POU2AF1: variants seen among roughly 807,000 people sequenced by gnomAD.
POU2AF1 encodes POU class 2 homeobox associating factor 1.
A neutral mutation model predicts 26.3 loss-of-function variants in POU2AF1; 12 were observed. The observed-to-expected ratio is 0.46, with a 90% CI of 0.29 to 0.74. The LOEUF is 0.74. POU2AF1 is among the 30% of genes least tolerant of loss of function. POU2AF1 has a pLI of 0.09. For synonymous variants in POU2AF1, 175 were observed against 148.0 expected (o/e 1.18, Z -1.32); for missense variants, 297 against 334.5 (o/e 0.89, Z 0.87).
At position 111,354,255 on chromosome 11, in the gene POU2AF1, C is replaced by A. The variant is rs764646023; in HGVS notation, c.*6G>T. The A allele has an allele frequency of 1.9e-6, 3 of 1,613,608 alleles. No homozygotes were observed. The highest frequency in any genetic ancestry group is 2.5e-6 in the Non-Finnish European group (3 of 1,179,882). ...TCAGGGAACAGGACTCAGGTGGGAG[C>A]CACGCCTAAAAGCCTTCCACAGAGA... On this transcript the variant is annotated 3_prime_UTR_variant, in exon 5 of 5. Transcript: ENST00000393067.
chr11:111,368,582 G>A (rs1861148958), intron 1 of POU2AF1, among the ~76,000 whole-genome samples: 1 of 152,226 alleles, frequency 6.6e-6, no homozygotes, highest in South Asian at 2.1e-4. Context: ...TACCCTTGAT[G>A]AAGTCATAAC....
At position 111,353,149 on chromosome 11, in the gene POU2AF1, G is replaced by A. The variant is rs1280000740; in HGVS notation, c.*1112C>T. 8.6e-6 allele frequency: 2 copies of A among 232,654 alleles called. No individual in the cohort carries two copies. Among genetic ancestry groups the A allele is most frequent in the Non-Finnish European group, 1.7e-5 (2 of 117,722 alleles). 14.4% of individuals were successfully genotyped at this position (232,654 alleles called of 1,614,324 possible). A position where few individuals can be genotyped will look rare whatever the true frequency, so the allele number is the denominator to read the frequency against. On this transcript the variant is annotated 3_prime_UTR_variant, in exon 5 of 5. Transcript: ENST00000393067. ...CTTGGCCTCCACAGCACCAGCAGAG[G>A]GCCTAGAGGTGAGACAGAAATGGCC...
chr11:111,358,141 G>A (rs952673186), intron 2 of POU2AF1, among the ~76,000 whole-genome samples: 4 of 152,008 alleles, frequency 2.6e-5, no homozygotes, highest in African/African-American at 9.7e-5. Context: ...AGCTGTGTTC[G>A]GTGGGCCAGC....
intron 1 of POU2AF1, among the ~76,000 whole-genome samples, chr11:111,371,250 T>C (rs916472224): frequency 6.6e-6 from 1 of 152,234 alleles, no homozygotes; most frequent in Admixed American, 6.5e-5. Flanking sequence ...AGAATGATTC[T>C]GGTTTATAAT....
In POU2AF1 at chr11:111,357,811, C is replaced by G. The variant is rs778493728; in HGVS notation, c.174G>C (p.Ala58=). Residue 58 remains alanine, a synonymous_variant, in exon 3 of 5, where the codon GCG becomes GCC. Coordinates refer to ENST00000393067, the MANE Select transcript of POU2AF1 (RefSeq NM_006235.3). ...TAVVLPHQPL[A]TYTTVGPSCL... The stretch of plus-strand genomic sequence containing the variant: ...CACTCTTACCCACTGTGGTGTAGGT[C>G]GCCAGGGGCTGATGGGGCAGCACCA... 1.2e-6 allele frequency: 2 copies of G among 1,612,792 alleles called. No homozygotes were observed. The highest frequency in any genetic ancestry group is 1.7e-6 in the Non-Finnish European group (2 of 1,179,532).
intron 1 of POU2AF1, among the ~76,000 whole-genome samples, chr11:111,362,019 C>A (rs1383244970): frequency 2.6e-5 from 4 of 152,184 alleles, no homozygotes; most frequent in Non-Finnish European, 5.9e-5. Context: ...GCACAAGTTC[C>A]ATTTGCCACT....
At chr11:111,371,584 A>G (rs1456292435) in intron 1 of POU2AF1, among the ~76,000 whole-genome samples, 3 of 152,224 alleles carry the variant, frequency 2.0e-5, no homozygotes, top group African/African-American at 4.8e-5. Flanking sequence ...ACAAGTTACA[A>G]GACTGGAGAT....
chr11:111,353,388 T>A lies in POU2AF1; in HGVS notation c.*873A>T, dbSNP rs1049437962. ...CCCACACCCCTCTCTCCAACTAAGA[T>A]GCACAGCCTGTTCCCATCCCTCCTC... On this transcript the variant is annotated 3_prime_UTR_variant, in exon 5 of 5. Coordinates refer to ENST00000393067, the MANE Select transcript of POU2AF1 (RefSeq NM_006235.3). 8.6e-6 allele frequency: 2 copies of A among 233,812 alleles called. No individual in the cohort carries two copies. Among genetic ancestry groups the A allele is most frequent in the African/African-American group, 2.2e-5 (1 of 45,348 alleles). The allele number at this position is 233,812 out of a possible 1,614,324, so 14.5% of individuals were successfully genotyped here. A position where few individuals can be genotyped will look rare whatever the true frequency, so the allele number is the denominator to read the frequency against.
At chr11:111,363,422 C>A in intron 1 of POU2AF1, 1 of 1,014,902 alleles carries the variant, frequency 9.9e-7, no homozygotes, top group Non-Finnish European at 1.2e-6. Context: ...CAGTTGGTAC[C>A]TTTCACACCA....
intron 1 of POU2AF1, among the ~76,000 whole-genome samples, chr11:111,365,120 C>A (rs1222195828): frequency 6.6e-6 from 1 of 152,188 alleles, no homozygotes; most frequent in African/African-American, 2.4e-5. Context: ...TGGGGTCAGA[C>A]CCAACTGCCC....
chr11:111,357,475 A>G lies in POU2AF1; in HGVS notation c.426T>C (p.Tyr142=). The part of the protein sequence containing the change: ...TVVGPSSVLT[Y]ASPPLITNVT... ...CATTGGTGATGAGTGGCGGAGAGGCATAGGTCAACACTGAGGAGGGCCCCA... is the reference window on the plus strand; with the variant it reads ...CATTGGTGATGAGTGGCGGAGAGGCGTAGGTCAACACTGAGGAGGGCCCCA... The change falls in exon 4 of 5, where the codon TAT becomes TAC. Residue 142 remains tyrosine (Y), a synonymous_variant. Transcript: ENST00000393067. The G allele has an allele frequency of 6.2e-7, 1 of 1,614,170 alleles. No individual in the cohort carries two copies.
chr11:111,365,165 C>CT (rs1861081370), intron 1 of POU2AF1, among the ~76,000 whole-genome samples: 1 of 152,184 alleles, frequency 6.6e-6, no homozygotes, highest in Non-Finnish European at 1.5e-5. Context: ...GGGGTGCAGC[C>CT]TATGTGAGTG....
In POU2AF1 at chr11:111,353,162, G is replaced by C. The variant is rs1860769249; in HGVS notation, c.*1099C>G. On this transcript the variant is annotated 3_prime_UTR_variant, in exon 5 of 5. Transcript: ENST00000393067. Reference sequence around the variant, plus strand: ...GCACCAGCAGAGGGCCTAGAGGTGAGACAGAAATGGCCGACCAAACACACC... The same window carrying C: ...GCACCAGCAGAGGGCCTAGAGGTGACACAGAAATGGCCGACCAAACACACC... 1 of 233,034 alleles carries C rather than the reference G, an allele frequency of 4.3e-6. No individual in the cohort carries two copies. Among genetic ancestry groups the C allele is most frequent in the East Asian group, 6.0e-5 (1 of 16,548 alleles). The allele number at this position is 233,034 out of a possible 1,614,324, so 14.4% of individuals were successfully genotyped here.
At chr11:111,372,055 C>CAG (rs1469970188) in intron 1 of POU2AF1, among the ~76,000 whole-genome samples, 7 of 137,600 alleles carry the variant, frequency 5.1e-5, no homozygotes, top group African/African-American at 1.8e-4. Flanking sequence ...CACACACACA[C>CAG]ACACACACAC....
At chr11:111,371,045 C>T (rs1861200130) in intron 1 of POU2AF1, among the ~76,000 whole-genome samples, 1 of 152,176 alleles carries the variant, frequency 6.6e-6, no homozygotes, top group African/African-American at 2.4e-5. Flanking sequence ...TTAAGACTTG[C>T]TTCTATTGTC....
intron 1 of POU2AF1, among the ~76,000 whole-genome samples, chr11:111,375,390 C>CTTTTTTT (rs869115956): frequency 0.023 from 1,823 of 79,482 alleles, 162 homozygotes; most frequent in Non-Finnish European, 0.024. Flanking sequence ...TACTGAGTAT[C>CTTTTTTT]TTTTTTTTTT....
Position 111,354,101 on chromosome 11 carries a change from A to C in POU2AF1, c.*160T>G. 3.1e-6 allele frequency: 2 copies of C among 651,876 alleles called. No homozygotes were observed. The highest frequency in any genetic ancestry group is 4.8e-6 in the Non-Finnish European group (2 of 412,584). The allele number at this position is 651,876 out of a possible 1,614,324, so 40.4% of individuals were successfully genotyped here. A position where few individuals can be genotyped will look rare whatever the true frequency, so the allele number is the denominator to read the frequency against. ...GGGAGGAAGTGAGGGAGGGAGGGGAAGGAAGAAGGGAAGGAAGGTTTACAG... is the reference window on the plus strand; with the variant it reads ...GGGAGGAAGTGAGGGAGGGAGGGGACGGAAGAAGGGAAGGAAGGTTTACAG... On this transcript the variant is annotated 3_prime_UTR_variant, in exon 5 of 5. Coordinates refer to ENST00000393067, the MANE Select transcript of POU2AF1 (RefSeq NM_006235.3).
rs1860788794 is a variant in POU2AF1 at position 111,353,990 on chromosome 11, G to C, written c.*271C>G. ...AAGGGGTTGGAAAGGGAGAAGGGAAGGAGGGAAGGAAGGGAGGGAGGAAAA... is the reference window on the plus strand; with the variant it reads ...AAGGGGTTGGAAAGGGAGAAGGGAACGAGGGAAGGAAGGGAGGGAGGAAAA... On this transcript the variant is annotated 3_prime_UTR_variant, in exon 5 of 5. Transcript: ENST00000393067. 3 of 415,194 alleles carry C rather than the reference G, an allele frequency of 7.2e-6. No individual in the cohort carries two copies. Among genetic ancestry groups the C allele is most frequent in the East Asian group, 9.4e-5 (2 of 21,200 alleles). 25.7% of individuals were successfully genotyped at this position (415,194 alleles called of 1,614,324 possible).
chr11:111,378,325 C>T (rs1487225995), intron 1 of POU2AF1, among the ~76,000 whole-genome samples: 1 of 152,172 alleles, frequency 6.6e-6, no homozygotes, highest in Non-Finnish European at 1.5e-5. Context: ...TTTGGTCATT[C>T]TTCTTGCTTG....
Sources: gnomAD v4.1 joint callset for allele counts (sites outside exome capture counted in the v4.1 genomes callset) on GRCh38, gnomAD v4.1.1 for gene constraint, MANE v1.5 for transcripts, NCBI Gene and HGNC (gene_info 2026-07-23, HGNC 2026-07-21) for gene names.